Variants in FBXO11 observed in about 807,000 individuals in gnomAD.
The protein encoded by FBXO11 is F-box protein 11.
FBXO11 carries 13 observed loss-of-function variants against 117.0 expected under a neutral mutation model. The observed-to-expected ratio is 0.11, with a 90% CI of 0.07 to 0.18. The LOEUF (loss-of-function observed/expected upper bound fraction) is 0.18. Ranked by LOEUF, FBXO11 falls within the 10% of genes least tolerant of loss-of-function variation. FBXO11 has a pLI of 1.00. For missense variants in FBXO11, 767 were observed against 1,164.4 expected, an observed-to-expected ratio of 0.66 and a Z score of 4.97; for synonymous variants, 490 against 380.5, an observed-to-expected ratio of 1.29 and a Z score of -3.35.
chr2:47,861,048 C>T (rs1339519870), intron 1 of FBXO11, among the ~76,000 whole-genome samples: 1 of 151,690 alleles, frequency 6.6e-6, no homozygotes, highest in Non-Finnish European at 1.5e-5. Context: ...TGGGGTTTCT[C>T]CATGTTGGTT....
intron 21 of FBXO11, 53 bp downstream of exon 21, chr2:47,809,104 TA>T (rs1247747362): frequency 1.7e-6 from 2 of 1,175,048 alleles, no homozygotes; most frequent in African/African-American, 3.1e-5. Flanking sequence ...ATTGCTAATT[TA>T]AAAAGGAAAT....
At chr2:47,846,489 T>G (rs1442927996) in intron 1 of FBXO11, among the ~76,000 whole-genome samples, 1 of 152,186 alleles carries the variant, frequency 6.6e-6, no homozygotes, top group African/African-American at 2.4e-5. Context: ...TTTTTAATTT[T>G]ATGGTTTTCA....
At chr2:47,875,485 A>C (rs72811512) in intron 1 of FBXO11, among the ~76,000 whole-genome samples, 1 of 123,802 alleles carries the variant, frequency 8.1e-6, no homozygotes. Context: ...AGATTCTGTC[A>C]TTCTTTTTTT....
chr2:47,817,739 G>C (rs1393742070), intron 16 of FBXO11, among the ~76,000 whole-genome samples: 1 of 152,278 alleles, frequency 6.6e-6, no homozygotes, highest in Non-Finnish European at 1.5e-5. Context: ...GAGGGACAGA[G>C]ATGGGAATGG....
intron 1 of FBXO11, among the ~76,000 whole-genome samples, chr2:47,883,114 C>G (rs1258809716): frequency 1.3e-5 from 2 of 152,178 alleles, no homozygotes; most frequent in Non-Finnish European, 1.5e-5. Flanking sequence ...TGGTGAAATG[C>G]TGGGTCACAA....
At position 47,854,376 on chromosome 2, in the gene FBXO11, C is replaced by CTA. The variant is rs1429637971; in HGVS notation, c.233-14609_233-14608dup. 3.3e-5 allele frequency among the ~76,000 whole-genome samples: 5 copies of CTA among 151,526 alleles called. No individual in the cohort carries two copies. In the East Asian group the frequency reaches 9.7e-4, roughly 29 times the overall value. On this transcript the variant is annotated intron_variant, in intron 1 of 22. Coordinates refer to ENST00000403359, the MANE Select transcript of FBXO11 (RefSeq NM_001190274.2). ...ACTGTTCAGTCAAATCTCATGTTCT[C>CTA]TATAAAGTTTTCCACAACTTTCCCA...
At chr2:47,896,591 A>G (rs888798925) in intron 1 of FBXO11, among the ~76,000 whole-genome samples, 1 of 152,054 alleles carries the variant, frequency 6.6e-6, no homozygotes, top group Non-Finnish European at 1.5e-5. Context: ...CAGCCTCCCA[A>G]AAAGTGCTAG....
At chr2:47,817,973 C>A (rs1010092749) in intron 16 of FBXO11, among the ~76,000 whole-genome samples, 1 of 152,142 alleles carries the variant, frequency 6.6e-6, no homozygotes, top group Non-Finnish European at 1.5e-5. Context: ...TATGGAGAAA[C>A]CCCATCTCTA....
chr2:47,836,907 TG>T (rs1257142767), intron 4 of FBXO11: 5 of 374,526 alleles, frequency 1.3e-5, no homozygotes, highest in African/African-American at 1.1e-4. Context: ...TCTTATTTTT[TG>T]ATTTTTTTTT....
At chr2:47,813,993 C>T (rs1186374212) in intron 16 of FBXO11, 126 bp from the exon 17 acceptor site, 1 of 676,068 alleles carries the variant, frequency 1.5e-6, no homozygotes, top group Non-Finnish European at 2.6e-6. Context: ...ACAATGGAGT[C>T]CAAGATGCCC....
Position 47,809,145 on chromosome 2 carries a change from A to G in FBXO11, c.2555+13T>C, listed in dbSNP as rs928681621. The G allele has an allele frequency of 1.9e-5, 28 of 1,467,036 alleles. No individual in the cohort carries two copies. Among genetic ancestry groups the G allele is most frequent in the Non-Finnish European group, 2.6e-5 (28 of 1,065,016 alleles). 90.9% of individuals were successfully genotyped at this position (1,467,036 alleles called of 1,614,324 possible). A position where few individuals can be genotyped will look rare whatever the true frequency, so the allele number is the denominator to read the frequency against. On this transcript the variant is annotated intron_variant, in intron 21 of 22. Coordinates refer to ENST00000403359, the MANE Select transcript of FBXO11 (RefSeq NM_001190274.2). ...CTTCCTCTTTTCAGGACTCAAATAT[A>G]TTTCTAAGTTACCTGTAGAAATCAT...
chr2:47,833,108 C>T (rs767600607), intron 7 of FBXO11, 38 bp from the exon 8 acceptor site: 23 of 1,376,898 alleles, frequency 1.7e-5, no homozygotes, highest in Non-Finnish European at 2.4e-5. Context: ...TACCTTTATT[C>T]GATTTCAACA....
intron 1 of FBXO11, among the ~76,000 whole-genome samples, chr2:47,897,664 T>A (rs1178117954): frequency 7.9e-6 from 1 of 127,264 alleles, no homozygotes; most frequent in East Asian, 2.3e-4. Context: ...ACCATTGCAC[T>A]CCAGCCTGGG....
intron 13 of FBXO11, among the ~76,000 whole-genome samples, 159 bp downstream of exon 13, chr2:47,822,059 C>G (rs1454420642): frequency 1.3e-5 from 2 of 152,220 alleles, no homozygotes; most frequent in East Asian, 3.9e-4. Context: ...GTGCTCCAGT[C>G]TGCACAAGAG....
At chr2:47,888,258 C>G (rs1677014685) in intron 1 of FBXO11, among the ~76,000 whole-genome samples, 1 of 152,258 alleles carries the variant, frequency 6.6e-6, no homozygotes, top group South Asian at 2.1e-4. Flanking sequence ...GGAACCAGAA[C>G]AGGTAACATT....
intron 1 of FBXO11, among the ~76,000 whole-genome samples, chr2:47,903,274 A>G (rs1047529338): frequency 6.6e-6 from 1 of 152,118 alleles, no homozygotes; most frequent in Admixed American, 6.5e-5. Flanking sequence ...GACTCACACT[A>G]TTTTCCCTAA....
rs79460622 is a variant in FBXO11, at chr2:47,859,882, C to T, written c.233-20113G>A. The stretch of plus-strand genomic sequence containing the variant: ...GACCTGAGATTGAGGCCCCATTTAT[C>T]AGTACCAAGCTATTTTCTAGAATAA... On this transcript the variant is annotated intron_variant, in intron 1 of 22. Transcript: ENST00000403359. Among the ~76,000 whole-genome samples the T allele has an allele frequency of 5.3e-4, 81 of 152,246 alleles. No homozygotes were observed. The East Asian group carries it at 0.014, about 25-fold the overall frequency.
At chr2:47,881,892 T>A (rs1329040018) in intron 1 of FBXO11, among the ~76,000 whole-genome samples, 9 of 151,986 alleles carry the variant, frequency 5.9e-5, no homozygotes, top group Non-Finnish European at 1.3e-4. Context: ...GGACTACAGG[T>A]GTGCACCACC....
intron 1 of FBXO11, among the ~76,000 whole-genome samples, chr2:47,874,871 T>C (rs1317627883): frequency 6.6e-6 from 1 of 150,848 alleles, no homozygotes; most frequent in Non-Finnish European, 1.5e-5. Context: ...TCAGGACTTT[T>C]TTTTTTTTTT....
Sources: gnomAD v4.1 joint callset for allele counts (sites outside exome capture counted in the v4.1 genomes callset) on GRCh38, gnomAD v4.1.1 for gene constraint, MANE v1.5 for transcripts, NCBI Gene and HGNC (gene_info 2026-07-23, HGNC 2026-07-21) for gene names.